RXRG: variants seen among roughly 807,000 people sequenced by gnomAD.
RXRG encodes retinoid X receptor gamma.
Under a neutral mutation model 49.2 loss-of-function variants are expected in RXRG, and 19 were observed. That is an observed-to-expected ratio of 0.39 (90% confidence interval 0.27 to 0.57). The LOEUF (loss-of-function observed/expected upper bound fraction) is 0.57, where lower values mean the gene tolerates loss of function less well. Ranked by LOEUF, RXRG falls within the 20% of genes least tolerant of loss-of-function variation. RXRG has a pLI of 0.64. For synonymous variants in RXRG, 224 were observed against 216.6 expected, an observed-to-expected ratio of 1.03 and a Z score of -0.30; for missense variants, 452 against 592.5, an observed-to-expected ratio of 0.76 and a Z score of 2.46.
intron 1 of RXRG, among the ~76,000 whole-genome samples, chr1:165,432,035 T>C (rs1252200638): frequency 4.6e-5 from 7 of 152,216 alleles, no homozygotes; most frequent in Admixed American, 3.9e-4. Context: ...AAAGGAATGA[T>C]GTTTAAAAAA....
At chr1:165,423,222 G>T (rs953541740) in intron 2 of RXRG, among the ~76,000 whole-genome samples, 8 of 152,180 alleles carry the variant, frequency 5.3e-5, no homozygotes, top group Non-Finnish European at 7.3e-5. Context: ...TAGCTGCCTG[G>T]TCCCCAAGTC....
Position 165,401,319 on chromosome 1 carries a change from T to C in RXRG, c.1336A>G (p.Thr446Ala). Residue 446 changes from threonine to alanine, a missense_variant, in exon 10 of 10, where the codon ACC becomes GCC. Coordinates refer to ENST00000359842, the MANE Select transcript of RXRG (RefSeq NM_006917.5). Reference sequence around the variant, plus strand: ...TCCATGAGGAAGGTGTCAATGGGGGTGTCCCCGATGAGCTTGAAGAAGAAG... The same window carrying C: ...TCCATGAGGAAGGTGTCAATGGGGGCGTCCCCGATGAGCTTGAAGAAGAAG... Reference protein sequence around the residue: ...HLFFFKLIGDTPIDTFLMEML... With the variant: ...HLFFFKLIGDAPIDTFLMEML... The C allele has an allele frequency of 1.2e-6, 2 of 1,613,918 alleles. No homozygotes were observed. Among genetic ancestry groups the C allele is most frequent in the South Asian group, 2.2e-5 (2 of 91,058 alleles).
intron 6 of RXRG, among the ~76,000 whole-genome samples, chr1:165,410,077 T>C (rs1195125210): frequency 6.6e-6 from 1 of 152,232 alleles, no homozygotes; most frequent in African/African-American, 2.4e-5. Flanking sequence ...GACAACCTAG[T>C]TTTGTTTCTT....
At chr1:165,437,179 T>C in intron 1 of RXRG, 1 of 1,367,662 alleles carries the variant, frequency 7.3e-7, no homozygotes, top group Non-Finnish European at 9.8e-7. Flanking sequence ...AGAGCAGAAG[T>C]TGGAGAGCAG....
chr1:165,404,047 T>A (rs1657666739), intron 9 of RXRG, among the ~76,000 whole-genome samples: 1 of 152,244 alleles, frequency 6.6e-6, no homozygotes. Context: ...GTGGCCCTTG[T>A]GACATGCACT....
intron 3 of RXRG, 25 bp from the exon 4 acceptor site, chr1:165,417,245 A>G (rs1262231593): frequency 4.4e-6 from 7 of 1,575,644 alleles, no homozygotes; most frequent in Non-Finnish European, 6.0e-6. Flanking sequence ...AGAACATTCC[A>G]TAGATTGTTC....
At chr1:165,428,231 G>A (rs1658553481) in intron 2 of RXRG, among the ~76,000 whole-genome samples, 1 of 152,208 alleles carries the variant, frequency 6.6e-6, no homozygotes, top group African/African-American at 2.4e-5. Flanking sequence ...CTCAGAGACA[G>A]CATAGCATGT....
At chr1:165,435,510 C>A (rs946041748) in intron 1 of RXRG, among the ~76,000 whole-genome samples, 1 of 152,138 alleles carries the variant, frequency 6.6e-6, no homozygotes, top group Non-Finnish European at 1.5e-5. Flanking sequence ...TCCTGCACTG[C>A]GCTTGCCACT....
intron 2 of RXRG, chr1:165,425,062 T>C: frequency 2.0e-6 from 1 of 501,468 alleles, no homozygotes; most frequent in Non-Finnish European, 2.6e-6. Flanking sequence ...CACAGCCCAG[T>C]TGGCCAGGAC....
chr1:165,433,411 TC>T (rs1351490901), intron 1 of RXRG, among the ~76,000 whole-genome samples: 4 of 152,218 alleles, frequency 2.6e-5, no homozygotes, highest in Non-Finnish European at 5.9e-5. Flanking sequence ...TCAACCTTGC[TC>T]CCTGCCTTCC....
In RXRG at chr1:165,428,888, G is replaced by A. The variant is rs1475073958; in HGVS notation, c.128C>T (p.Pro43Leu). ...LSTGKPMDSHPSYTDTPVSAP... is the reference protein window; with the variant it reads ...LSTGKPMDSHLSYTDTPVSAP... The stretch of plus-strand genomic sequence containing the variant: ...ACTCACTGGGGTATCTGTGTAGCTG[G>A]GGTGGCTGTCCATTGGCTTCCCTGT... Residue 43 changes from proline (P) to leucine (L), a missense_variant, in exon 2 of 10, where the codon CCC becomes CTC. Physicochemically the swap from Pro to Leu is moderately conservative, Grantham distance 98 (BLOSUM62 -3). This residue lies in a region of RXRG where 166 missense variants were observed against 151.7 expected (regional missense o/e 1.09). Coordinates refer to ENST00000359842, the MANE Select transcript of RXRG (RefSeq NM_006917.5). The A allele has an allele frequency of 5.3e-5, 86 of 1,614,054 alleles. No individual in the cohort carries two copies. The highest frequency in any genetic ancestry group is 7.3e-5 in the Non-Finnish European group (86 of 1,179,992).
At chr1:165,414,254 T>G (rs1228972761) in intron 4 of RXRG, among the ~76,000 whole-genome samples, 1 of 152,228 alleles carries the variant, frequency 6.6e-6, no homozygotes, top group Non-Finnish European at 1.5e-5. Context: ...TTCTTTCTGT[T>G]TCTCCACATT....
At position 165,410,761 on chromosome 1, in the gene RXRG, T is replaced by G. The variant is rs1657916971; in HGVS notation, c.854A>C (p.Lys285Thr). 6.2e-7 allele frequency: 1 copy of G among 1,614,006 alleles called. No homozygotes were observed. ...KQLFTLVEWA[K>T]RIPHFSDLTL... ...GAGGTCAGAGAAGTGGGGAATACGC[T>G]TGGCCCATTCAACGAGGGTGAAAAG... Residue 285 changes from lysine to threonine, a missense_variant, in exon 6 of 10, where the codon AAG becomes ACG. By Grantham distance (78) the Lys-to-Thr change is moderately conservative (BLOSUM62 -1). Around this residue, in one of 2 missense-constraint regions of RXRG, gnomAD observed 286 missense variants for 440.9 expected, o/e 0.65. Transcript: ENST00000359842.
At chr1:165,442,769 T>C (rs777044239) in intron 1 of RXRG, among the ~76,000 whole-genome samples, 13 of 152,200 alleles carry the variant, frequency 8.5e-5, no homozygotes, top group Non-Finnish European at 1.6e-4. Flanking sequence ...ACTCATTTAA[T>C]TTTCACAATA....
intron 9 of RXRG, among the ~76,000 whole-genome samples, chr1:165,405,615 C>G (rs2101703342): frequency 6.6e-6 from 1 of 152,326 alleles, no homozygotes; most frequent in South Asian, 2.1e-4. Context: ...CAGTATGGCT[C>G]TGGGTCATGG....
chr1:165,414,613 A>G (rs1271163381), intron 4 of RXRG, among the ~76,000 whole-genome samples: 3 of 152,236 alleles, frequency 2.0e-5, no homozygotes, highest in African/African-American at 7.2e-5. Flanking sequence ...TAGGAGGGAA[A>G]AAAATGACCC....
intron 8 of RXRG, 34 bp from the exon 9 acceptor site, chr1:165,406,951 A>C (rs374191437): frequency 6.1e-6 from 9 of 1,471,412 alleles, no homozygotes; most frequent in Non-Finnish European, 8.6e-6. Context: ...CTTTGATTAC[A>C]CACCCTCCAG....
intron 4 of RXRG, among the ~76,000 whole-genome samples, chr1:165,415,950 T>C (rs1045957581): frequency 5.3e-5 from 8 of 152,250 alleles, no homozygotes; most frequent in Non-Finnish European, 1.2e-4. Flanking sequence ...TCTGTGAGCC[T>C]GTTTTCTCAT....
chr1:165,409,613 A>G lies in RXRG; in HGVS notation c.991T>C (p.Leu331=). The G allele has an allele frequency of 6.3e-7, 1 of 1,579,568 alleles. No homozygotes were observed. Among genetic ancestry groups the G allele is most frequent in the Non-Finnish European group, 8.6e-7 (1 of 1,163,930 alleles). Residue 331 remains leucine (L), a synonymous_variant, in exon 7 of 10, where the codon TTA becomes CTA. Transcript: ENST00000359842. ...TGGGCACTGCTCCGGTGGACATGTAAACCCGTGGCCAGAAGGATGCCATCC... is the reference window on the plus strand; with the variant it reads ...TGGGCACTGCTCCGGTGGACATGTAGACCCGTGGCCAGAAGGATGCCATCC... ...VQDGILLATG[L]HVHRSSAHSA...
Sources: gnomAD v4.1 joint callset for allele counts (sites outside exome capture counted in the v4.1 genomes callset) on GRCh38, gnomAD v4.1.1 for gene constraint, gnomAD v4.1.1 regional missense constraint, MANE v1.5 for transcripts, NCBI Gene and HGNC (gene_info 2026-07-23, HGNC 2026-07-21) for gene names.